The following ITGA2 variants were observed in gnomAD, a reference collection of about 807,000 sequenced individuals.
ITGA2 encodes the protein integrin alpha-2.
A neutral mutation model predicts 146.3 loss-of-function variants in ITGA2; 101 were observed. That is an observed-to-expected ratio of 0.69 (90% CI 0.59 to 0.81). ITGA2 has a LOEUF of 0.81. ITGA2 is among the 40% of genes least tolerant of loss of function. The pLI is 0.00. For missense variants in ITGA2, 1,281 were observed against 1,402.7 expected (o/e 0.91, Z 1.39); for synonymous variants, 477 against 487.1 (o/e 0.98, Z 0.27).
rs1745134235 is a variant in ITGA2, at chr5:53,066,037, A to ATCC, written c.1943+60_1943+61insTCC. 5 of 1,491,348 alleles carry ATCC rather than the reference A, an allele frequency of 3.4e-6. No homozygotes were observed. The African/African-American group carries it at 6.9e-5, about 21-fold the overall frequency. The allele number at this position is 1,491,348 out of a possible 1,614,324, so 92.4% of individuals were successfully genotyped here. A position where few individuals can be genotyped will look rare whatever the true frequency, so the allele number is the denominator to read the frequency against. ...AAATTACCTGCTAAGAAAGCAGAACAGATGTCTGTACTGGTATTATAGAAA... is the reference window on the plus strand; with the variant it reads ...AAATTACCTGCTAAGAAAGCAGAACATCCGATGTCTGTACTGGTATTATAGAAA... On this transcript the variant is annotated intron_variant, in intron 15 of 29. Coordinates refer to ENST00000296585, the MANE Select transcript of ITGA2 (RefSeq NM_002203.4).
At chr5:53,029,764 G>T (rs1180456319) in intron 2 of ITGA2, among the ~76,000 whole-genome samples, 1 of 152,130 alleles carries the variant, frequency 6.6e-6, no homozygotes, top group Non-Finnish European at 1.5e-5. Flanking sequence ...GTGATATCTG[G>T]CACTGAGTAA....
intron 1 of ITGA2, among the ~76,000 whole-genome samples, chr5:53,026,414 A>G (rs956549553): frequency 1.3e-5 from 2 of 152,128 alleles, no homozygotes; most frequent in Admixed American, 1.3e-4. Context: ...TTGTGTTCAA[A>G]TTTTGTCTTC....
rs1450503238 is a variant in ITGA2, at chr5:53,091,848, T to A, written c.*1249T>A. 2 of 152,218 alleles carry A rather than the reference T, an allele frequency of 1.3e-5. No homozygotes were observed. The highest frequency in any genetic ancestry group is 2.9e-5 in the Non-Finnish European group (2 of 68,040). 9.4% of individuals were successfully genotyped at this position (152,218 alleles called of 1,614,324 possible). ...GTTATGGGATGTAAACAATGTAAAG[T>A]AAGACATCTCAGGATTTCACCAGAA... On this transcript the variant is annotated 3_prime_UTR_variant, in exon 30 of 30. Coordinates refer to ENST00000296585, the MANE Select transcript of ITGA2 (RefSeq NM_002203.4).
Position 53,059,927 on chromosome 5 carries a change from C to T in ITGA2, c.1227C>T (p.Val409=). The T allele has an allele frequency of 6.2e-7, 1 of 1,612,146 alleles. No individual in the cohort carries two copies. The highest frequency in any genetic ancestry group is 8.5e-7 in the Non-Finnish European group (1 of 1,178,862). Residue 409 remains valine (V), a synonymous_variant, in exon 11 of 30, where the codon GTC becomes GTT. Transcript: ENST00000296585. ...CTTTTGGCTGGAGTGGGACCATTGT[C>T]CAGAAGACATCTCATGGCCATTTGA... ...VGAFGWSGTI[V]QKTSHGHLIF... is the part of the protein sequence containing the mutation.
chr5:53,061,894 C>G (rs1051556841), intron 12 of ITGA2, among the ~76,000 whole-genome samples: 1 of 151,864 alleles, frequency 6.6e-6, no homozygotes, highest in Admixed American at 6.6e-5. Context: ...TCTTGACTTC[C>G]GTGACCACAA....
At chr5:53,053,400 G>GA (rs1476235581) in intron 7 of ITGA2, among the ~76,000 whole-genome samples, 1 of 152,124 alleles carries the variant, frequency 6.6e-6, no homozygotes, top group African/African-American at 2.4e-5. Context: ...GCCATTAGGT[G>GA]AAGCGCCCTT....
At chr5:53,037,161 G>T (rs1292146086) in intron 2 of ITGA2, among the ~76,000 whole-genome samples, 1 of 152,178 alleles carries the variant, frequency 6.6e-6, no homozygotes, top group Non-Finnish European at 1.5e-5. Flanking sequence ...AAAGTATTTT[G>T]AATTCCACTG....
intron 2 of ITGA2, among the ~76,000 whole-genome samples, chr5:53,037,354 G>A (rs1285638961): frequency 2.6e-5 from 4 of 152,314 alleles, no homozygotes; most frequent in Admixed American, 1.3e-4. Flanking sequence ...GCCTGTTCAT[G>A]CAACTCTTTT....
chr5:53,026,346 G>A (rs1454867585), intron 1 of ITGA2, among the ~76,000 whole-genome samples: 3 of 152,150 alleles, frequency 2.0e-5, no homozygotes, highest in Non-Finnish European at 4.4e-5. Context: ...TTTTGGGAAG[G>A]ACAAATATAA....
chr5:53,008,700 T>G (rs1327798572), intron 1 of ITGA2, among the ~76,000 whole-genome samples: 17 of 152,084 alleles, frequency 1.1e-4, no homozygotes. Flanking sequence ...CCTATTCCAT[T>G]CTTATAAGAA....
At chr5:53,009,088 A>T (rs1741995260) in intron 1 of ITGA2, among the ~76,000 whole-genome samples, 1 of 152,148 alleles carries the variant, frequency 6.6e-6, no homozygotes, top group South Asian at 2.1e-4. Context: ...CTGCTGCTTT[A>T]TAGCAAGCAG....
At chr5:53,021,242 A>G (rs1742667792) in intron 1 of ITGA2, among the ~76,000 whole-genome samples, 1 of 152,036 alleles carries the variant, frequency 6.6e-6, no homozygotes. Context: ...CTAATCTTGG[A>G]CATTCAGATA....
rs1744355744 is a variant in ITGA2, at chr5:53,051,408, A to G, written c.631-3A>G. ...CCATTAATAAATGTCTCCTCTGTTGAAGGTGGGGTTAATTCAGTATGCCAA... is the reference window on the plus strand; with the variant it reads ...CCATTAATAAATGTCTCCTCTGTTGGAGGTGGGGTTAATTCAGTATGCCAA... On this transcript the variant is annotated splice_polypyrimidine_tract_variant and splice_region_variant and intron_variant, in intron 6 of 29. Coordinates refer to ENST00000296585, the MANE Select transcript of ITGA2 (RefSeq NM_002203.4). 6.2e-7 allele frequency: 1 copy of G among 1,613,014 alleles called. No homozygotes were observed.
chr5:53,061,880 G>A (rs1438939246), intron 12 of ITGA2, among the ~76,000 whole-genome samples: 1 of 151,850 alleles, frequency 6.6e-6, no homozygotes, highest in South Asian at 2.1e-4. Context: ...AAGAAGACCC[G>A]AGTTCTTGAC....
chr5:53,057,416 A>G (rs1397151144), intron 9 of ITGA2, among the ~76,000 whole-genome samples: 2 of 152,016 alleles, frequency 1.3e-5, no homozygotes, highest in African/African-American at 4.8e-5. Flanking sequence ...ATGGAAAATA[A>G]GTACCAATTG....
At chr5:53,010,448 A>T (rs965637870) in intron 1 of ITGA2, among the ~76,000 whole-genome samples, 12 of 152,158 alleles carry the variant, frequency 7.9e-5, no homozygotes, top group Non-Finnish European at 1.6e-4. Flanking sequence ...CTGCCTTTTG[A>T]AATGGGAGTG....
intron 2 of ITGA2, among the ~76,000 whole-genome samples, chr5:53,027,627 C>T (rs1743016321): frequency 6.6e-6 from 1 of 152,190 alleles, no homozygotes; most frequent in Admixed American, 6.5e-5. Flanking sequence ...AGAGTTCATG[C>T]CCACTGGTGG....
chr5:53,023,743 G>A (rs1742799849), intron 1 of ITGA2, among the ~76,000 whole-genome samples: 1 of 152,184 alleles, frequency 6.6e-6, no homozygotes. Flanking sequence ...TATGAGGACA[G>A]ACATCAGAAG....
chr5:53,019,838 T>C (rs1742587123), intron 1 of ITGA2, among the ~76,000 whole-genome samples: 1 of 152,198 alleles, frequency 6.6e-6, no homozygotes, highest in Non-Finnish European at 1.5e-5. Flanking sequence ...GTCATCCTTA[T>C]TTTACTTCAT....
Sources: gnomAD v4.1 joint callset for allele counts (sites outside exome capture counted in the v4.1 genomes callset) on GRCh38, gnomAD v4.1.1 for gene constraint, MANE v1.5 for transcripts, NCBI Gene and HGNC (gene_info 2026-07-23, HGNC 2026-07-21) for gene names.